Variants in KHDRBS2 observed in about 807,000 individuals in gnomAD.
The protein encoded by KHDRBS2 is KH domain-containing, RNA-binding, signal transduction-associated protein 2.
In KHDRBS2, 26 loss-of-function variants were observed where a neutral mutation model predicts 44.3. The observed-to-expected ratio is 0.59, with a 90% CI of 0.43 to 0.81. KHDRBS2 has a LOEUF of 0.81. Among genes scored for constraint, KHDRBS2 ranks in the 40% least tolerant of loss-of-function variants. The probability of loss-of-function intolerance (pLI) is 0.00; values close to 1 mark genes in which losing one functional copy is unlikely to be tolerated. For missense variants in KHDRBS2, 476 were observed against 433.1 expected (o/e 1.10, Z -0.88); for synonymous variants, 194 against 151.1 (o/e 1.28, Z -2.08).
intron 2 of KHDRBS2, among the ~76,000 whole-genome samples, chr6:62,118,799 G>T (rs1806911087): frequency 6.6e-6 from 1 of 152,172 alleles, no homozygotes; most frequent in Admixed American, 6.5e-5. Flanking sequence ...ACAGCTTTTG[G>T]ACTCTTTGGC....
At chr6:61,956,894 G>T (rs1276585725) in intron 4 of KHDRBS2, among the ~76,000 whole-genome samples, 2 of 118,550 alleles carry the variant, frequency 1.7e-5, no homozygotes, top group African/African-American at 3.4e-5. Context: ...ACATTCCATA[G>T]TTATTGGTTT....
At chr6:62,060,614 T>C (rs1308076086) in intron 2 of KHDRBS2, among the ~76,000 whole-genome samples, 3 of 134,832 alleles carry the variant, frequency 2.2e-5, no homozygotes, top group Non-Finnish European at 4.9e-5. Flanking sequence ...TCTCTGTCTC[T>C]CTCTCTCTCT....
intron 8 of KHDRBS2, among the ~76,000 whole-genome samples, chr6:61,693,519 AAG>A (rs1192263401): frequency 6.6e-6 from 1 of 152,202 alleles, no homozygotes; most frequent in Non-Finnish European, 1.5e-5. Context: ...GCTGTGCAAA[AAG>A]AGGAATGAAA....
intron 4 of KHDRBS2, among the ~76,000 whole-genome samples, chr6:61,968,770 G>A (rs1347117723): frequency 1.3e-5 from 2 of 151,920 alleles, no homozygotes; most frequent in Non-Finnish European, 2.9e-5. Flanking sequence ...TTGATGAGGA[G>A]GCATCTGATC....
At chr6:61,647,677 C>A in the KHDRBS2 span, among the ~76,000 whole-genome samples, 1 of 152,126 alleles carries the variant, frequency 6.6e-6, no homozygotes, top group African/African-American at 2.4e-5. Context: ...TGTATTGCAA[C>A]CAACTTTGTT....
At chr6:61,797,602 T>G (rs1785551117) in intron 6 of KHDRBS2, among the ~76,000 whole-genome samples, 1 of 151,998 alleles carries the variant, frequency 6.6e-6, no homozygotes, top group Non-Finnish European at 1.5e-5. Context: ...AAATGTCAAA[T>G]GCCAAGTTCC....
intron 1 of KHDRBS2, among the ~76,000 whole-genome samples, chr6:62,272,981 G>C (rs1262733499): frequency 6.6e-6 from 1 of 152,032 alleles, no homozygotes; most frequent in Non-Finnish European, 1.5e-5. Flanking sequence ...TTAGAACTAA[G>C]AGTGTACCCA....
At chr6:62,131,268 T>C (rs1456808877) in intron 2 of KHDRBS2, among the ~76,000 whole-genome samples, 1 of 152,226 alleles carries the variant, frequency 6.6e-6, no homozygotes, top group African/African-American at 2.4e-5. Context: ...CTTGGAGTCT[T>C]AGCTTTCTCA....
chr6:61,756,385 C>T (rs1401032154), intron 6 of KHDRBS2, among the ~76,000 whole-genome samples: 4 of 152,064 alleles, frequency 2.6e-5, no homozygotes, highest in East Asian at 1.9e-4. Flanking sequence ...CTCAGCCTCC[C>T]GAGTAGCTGG....
chr6:61,820,734 C>T (rs977092603), intron 6 of KHDRBS2, among the ~76,000 whole-genome samples: 1 of 152,020 alleles, frequency 6.6e-6, no homozygotes, highest in African/African-American at 2.4e-5. Context: ...TCCATTTATG[C>T]AGAAGGGATC....
chr6:62,018,307 G>A (rs1379555315), intron 3 of KHDRBS2, among the ~76,000 whole-genome samples: 2 of 5,902 alleles, frequency 3.4e-4, no homozygotes, highest in Non-Finnish European at 1.6e-3. Context: ...ATATGTGTGT[G>A]TGTGTGTGTG....
intron 4 of KHDRBS2, among the ~76,000 whole-genome samples, chr6:61,961,518 C>T (rs1583813209): frequency 6.6e-6 from 1 of 151,982 alleles, no homozygotes. Context: ...ATGAGGAGTG[C>T]TGGCAAGGGG....
chr6:62,136,988 CTTTTCTTTTTTTTTTTT>C (rs1811670643), intron 2 of KHDRBS2, among the ~76,000 whole-genome samples: 1 of 125,382 alleles, frequency 8.0e-6, no homozygotes, highest in African/African-American at 3.0e-5. Context: ...AGCTTTCTTT[CTTTTCTTTTTTTTTTTT>C]TTTTTTTTTT....
chr6:61,828,632 G>A (rs1251495005), intron 6 of KHDRBS2, among the ~76,000 whole-genome samples: 1 of 152,068 alleles, frequency 6.6e-6, no homozygotes, highest in East Asian at 1.9e-4. Context: ...GTATCCCTCA[G>A]GCTGCTGAGA....
At chr6:61,721,166 G>A in intron 7 of KHDRBS2, among the ~76,000 whole-genome samples, 1 of 152,078 alleles carries the variant, frequency 6.6e-6, no homozygotes, top group Non-Finnish European at 1.5e-5. Context: ...GTACCATGCT[G>A]TTTTGGTTAC....
intron 2 of KHDRBS2, among the ~76,000 whole-genome samples, chr6:62,157,647 G>T (rs1816751686): frequency 6.6e-6 from 1 of 151,918 alleles, no homozygotes; most frequent in South Asian, 2.1e-4. Context: ...AATAATAATA[G>T]CATGTTTATA....
chr6:62,050,529 C>T (rs1362676212), intron 2 of KHDRBS2, among the ~76,000 whole-genome samples: 1 of 151,702 alleles, frequency 6.6e-6, no homozygotes, highest in African/African-American at 2.4e-5. Flanking sequence ...ACACTCCTTA[C>T]CTCTGAAAAA....
chr6:62,210,451 C>A lies in KHDRBS2; in HGVS notation c.92-33139G>T, dbSNP rs367896946. Among the ~76,000 whole-genome samples the A allele has an allele frequency of 1.7e-3, 257 of 151,864 alleles. 7 individuals carry two copies. In the South Asian group the frequency reaches 0.05, roughly 30 times the overall value. ...GTTCAAGCAATTATCCTGCCTCGGC[C>A]CCCAGAGTCACTGGGATTACAGGCA... On this transcript the variant is annotated intron_variant, in intron 1 of 8. Coordinates refer to ENST00000281156, the MANE Select transcript of KHDRBS2 (RefSeq NM_152688.4).
At chr6:61,842,965 A>G (rs1793812648) in intron 6 of KHDRBS2, among the ~76,000 whole-genome samples, 1 of 152,132 alleles carries the variant, frequency 6.6e-6, no homozygotes, top group Non-Finnish European at 1.5e-5. Context: ...ATCTGTATAG[A>G]TTACAGATAT....
Sources: allele counts gnomAD v4.1 joint callset (sites outside exome capture counted in the v4.1 genomes callset), GRCh38; gene constraint gnomAD v4.1.1; transcripts MANE v1.5; gene names NCBI Gene and HGNC (gene_info 2026-07-23, HGNC 2026-07-21).